The following PID1 variants were observed in gnomAD, a reference collection of about 807,000 sequenced individuals.
The protein encoded by PID1 is PTB-containing, cubilin and LRP1-interacting protein.
Under a neutral mutation model 19.1 loss-of-function variants are expected in PID1, and 10 were observed. That is an observed-to-expected ratio of 0.52 (90% CI 0.32 to 0.89). The LOEUF (loss-of-function observed/expected upper bound fraction) is 0.89, where lower values mean the gene tolerates loss of function less well. Among genes scored for constraint, PID1 ranks in the 40% least tolerant of loss-of-function variants. The pLI is 0.03. For synonymous variants in PID1, 130 were observed against 116.0 expected (o/e 1.12, Z -0.78); for missense variants, 248 against 285.3 (o/e 0.87, Z 0.94).
chr2:229,195,148 T>C (rs1206738472), intron 1 of PID1, among the ~76,000 whole-genome samples: 1 of 151,706 alleles, frequency 6.6e-6, no homozygotes, highest in Non-Finnish European at 1.5e-5. Context: ...TATTGTATTT[T>C]GCTTTAATTT....
At chr2:229,063,623 T>C (rs1045762232) in intron 2 of PID1, among the ~76,000 whole-genome samples, 5 of 152,086 alleles carry the variant, frequency 3.3e-5, no homozygotes, top group African/African-American at 1.2e-4. Flanking sequence ...GTATTCTATA[T>C]ATATCTGTTA....
intron 2 of PID1, among the ~76,000 whole-genome samples, chr2:229,099,872 C>T (rs1695041912): frequency 6.6e-6 from 1 of 152,182 alleles, no homozygotes; most frequent in African/African-American, 2.4e-5. Flanking sequence ...GAACATCATA[C>T]CTTTTGCTAC....
chr2:229,145,791 T>C (rs1690117806), intron 2 of PID1, among the ~76,000 whole-genome samples: 1 of 152,168 alleles, frequency 6.6e-6, no homozygotes, highest in South Asian at 2.1e-4. Context: ...TGAATATTTG[T>C]AGTACAAAAC....
chr2:229,164,829 G>A (rs1018083953), intron 1 of PID1, among the ~76,000 whole-genome samples: 23 of 152,190 alleles, frequency 1.5e-4, no homozygotes, highest in Non-Finnish European at 3.4e-4. Context: ...GAGCTAAGGA[G>A]ACAGAGATGA....
intron 1 of PID1, among the ~76,000 whole-genome samples, chr2:229,197,476 A>G (rs1047400546): frequency 6.6e-6 from 1 of 152,012 alleles, no homozygotes; most frequent in African/African-American, 2.4e-5. Context: ...ACCACTTAAA[A>G]ATAGTAATTC....
At chr2:229,215,665 A>G (rs1691829058) in intron 1 of PID1, among the ~76,000 whole-genome samples, 1 of 152,122 alleles carries the variant, frequency 6.6e-6, no homozygotes, top group Non-Finnish European at 1.5e-5. Context: ...TGTAGGCTTG[A>G]CTCCAAAAAC....
At chr2:229,147,306 A>G (rs1690155393) in intron 2 of PID1, among the ~76,000 whole-genome samples, 1 of 152,182 alleles carries the variant, frequency 6.6e-6, no homozygotes, top group Non-Finnish European at 1.5e-5. Flanking sequence ...AACTTTTAAC[A>G]TCCAAATAAA....
Position 229,103,513 on chromosome 2 carries a change from A to C in PID1, c.177+52305T>G, listed in dbSNP as rs771857805. ...AGACTCAACTGTGTTAAGCCATGGA[A>C]GTTTCAAGGTCACTGGTTATGGAAA... On this transcript the variant is annotated intron_variant, in intron 2 of 2. Transcript: ENST00000392055. Among the ~76,000 whole-genome samples, 40 of 151,782 alleles carry C rather than the reference A, an allele frequency of 2.6e-4. 2 individuals are homozygous for C. The highest frequency in any genetic ancestry group is 1.2e-4 in the Non-Finnish European group (8 of 67,958).
intron 2 of PID1, among the ~76,000 whole-genome samples, chr2:229,033,344 G>C (rs898972972): frequency 6.6e-6 from 1 of 152,166 alleles, no homozygotes; most frequent in African/African-American, 2.4e-5. Context: ...TTACTGCTGG[G>C]CTTCTCAAGA....
intron 2 of PID1, among the ~76,000 whole-genome samples, chr2:229,154,864 A>G (rs1472944549): frequency 1.3e-5 from 2 of 152,198 alleles, no homozygotes; most frequent in East Asian, 3.8e-4. Context: ...GTGATCTCTA[A>G]ATTGATTACT....
chr2:229,249,723 G>A (rs1307322799), intron 1 of PID1, among the ~76,000 whole-genome samples: 2 of 152,192 alleles, frequency 1.3e-5, no homozygotes, highest in East Asian at 3.8e-4. Flanking sequence ...GAAAGACTTT[G>A]GCAGAAGAGG....
At chr2:229,224,871 G>T (rs1692045469) in intron 1 of PID1, among the ~76,000 whole-genome samples, 1 of 151,444 alleles carries the variant, frequency 6.6e-6, no homozygotes, top group African/African-American at 2.4e-5. Context: ...TGCCAGCCCT[G>T]AGATACTGTT....
chr2:229,063,162 C>T (rs1384044976), intron 2 of PID1, among the ~76,000 whole-genome samples: 1 of 151,852 alleles, frequency 6.6e-6, no homozygotes. Flanking sequence ...CTTCTATTGA[C>T]TTTGGGCTTA....
Position 229,120,233 on chromosome 2 carries a change from C to A in PID1, c.177+35585G>T, listed in dbSNP as rs187388936. Among the ~76,000 whole-genome samples, 263 of 152,132 alleles carry A rather than the reference C, an allele frequency of 1.7e-3. 2 individuals are homozygous for A. Among genetic ancestry groups the A allele is most frequent in the African/African-American group, 6.0e-3 (247 of 41,480 alleles). ...AAAATCCACATATAACTTTTGATTC[C>A]CCCAAAACTTAACTACTAATAGCCT... On this transcript the variant is annotated intron_variant, in intron 2 of 2. Coordinates refer to ENST00000392055, the MANE Select transcript of PID1 (RefSeq NM_001100818.2).
At chr2:229,161,383 C>G (rs1028904923) in intron 1 of PID1, among the ~76,000 whole-genome samples, 1 of 152,124 alleles carries the variant, frequency 6.6e-6, no homozygotes, top group African/African-American at 2.4e-5. Flanking sequence ...TCCAGGGACC[C>G]ACCTAGAATA....
chr2:229,166,990 G>A (rs553016084), intron 1 of PID1, among the ~76,000 whole-genome samples: 98 of 127,784 alleles, frequency 7.7e-4, no homozygotes, highest in African/African-American at 2.5e-3. Flanking sequence ...AGGGGAAGGG[G>A]AAGTGGAAGG....
chr2:229,124,712 CTCTAT>C (rs1255216135), intron 2 of PID1, among the ~76,000 whole-genome samples: 2 of 151,934 alleles, frequency 1.3e-5, no homozygotes, highest in African/African-American at 4.8e-5. Flanking sequence ...TTAGTCTGAA[CTCTAT>C]TCAATTTATT....
chr2:229,249,100 G>A (rs754228346), intron 1 of PID1, among the ~76,000 whole-genome samples: 2 of 152,144 alleles, frequency 1.3e-5, no homozygotes, highest in Admixed American at 6.5e-5. Flanking sequence ...TTTATGAATA[G>A]CTCCAACTAT....
At chr2:229,112,158 T>C (rs956024892) in intron 2 of PID1, among the ~76,000 whole-genome samples, 4 of 152,248 alleles carry the variant, frequency 2.6e-5, no homozygotes, top group African/African-American at 9.6e-5. Flanking sequence ...ATTTCAATCA[T>C]GCAAAGTTTT....
Sources: gnomAD v4.1 joint callset for allele counts (sites outside exome capture counted in the v4.1 genomes callset) on GRCh38, gnomAD v4.1.1 for gene constraint, MANE v1.5 for transcripts, NCBI Gene and HGNC (gene_info 2026-07-23, HGNC 2026-07-21) for gene names.